SCFD2: variants seen among roughly 807,000 people sequenced by gnomAD.
SCFD2 encodes the protein sec1 family domain-containing protein 2.
A neutral mutation model predicts 58.9 loss-of-function variants in SCFD2; 54 were observed. That is an observed-to-expected ratio of 0.92 (90% CI 0.74 to 1.15). The LOEUF (loss-of-function observed/expected upper bound fraction) is 1.15, where lower values mean the gene tolerates loss of function less well. Among genes scored for constraint, SCFD2 ranks in the 50% most tolerant of loss-of-function variants. The probability of loss-of-function intolerance (pLI) is 0.00; values close to 1 mark genes in which losing one functional copy is unlikely to be tolerated. For missense variants in SCFD2, 805 were observed against 836.6 expected, an observed-to-expected ratio of 0.96 and a Z score of 0.47; for synonymous variants, 321 against 335.9, an observed-to-expected ratio of 0.96 and a Z score of 0.49.
chr4:53,269,494 G>A lies in SCFD2; in HGVS notation c.1311+4332C>T, dbSNP rs186119462. On this transcript the variant is annotated intron_variant, in intron 4 of 8. Transcript: ENST00000401642. The stretch of plus-strand genomic sequence containing the variant: ...CCTCTGACAGAAGATAAATCAAAGC[G>A]ATAAAGAATTGAAGAAATTATAGTT... Among the ~76,000 whole-genome samples the A allele has an allele frequency of 2.9e-3, 442 of 152,132 alleles. 1 individual carries two copies. Among genetic ancestry groups the A allele is most frequent in the African/African-American group, 0.01 (420 of 41,536 alleles).
chr4:53,342,058 A>G lies in SCFD2; in HGVS notation c.1007+10540T>C, dbSNP rs554468362. 7.9e-5 allele frequency among the ~76,000 whole-genome samples: 12 copies of G among 152,372 alleles called. No individual in the cohort carries two copies. The South Asian group carries it at 1.0e-3, about 13-fold the overall frequency. Reference sequence around the variant, plus strand: ...GAAGAAACTGCATCAAGTAATGGACAAAATAACCAGCTAACGTCATAATGA... The same window carrying G: ...GAAGAAACTGCATCAAGTAATGGACGAAATAACCAGCTAACGTCATAATGA... On this transcript the variant is annotated intron_variant, in intron 2 of 8. Transcript: ENST00000401642.
At chr4:52,965,256 T>C (rs973795530) in intron 5 of SCFD2, among the ~76,000 whole-genome samples, 3 of 152,174 alleles carry the variant, frequency 2.0e-5, no homozygotes, top group African/African-American at 7.2e-5. Context: ...CAAAAAATGA[T>C]GGGCCTAAGA....
chr4:53,212,905 A>G (rs1728668066), intron 4 of SCFD2, among the ~76,000 whole-genome samples: 1 of 151,870 alleles, frequency 6.6e-6, no homozygotes, highest in Non-Finnish European at 1.5e-5. Context: ...TAACAAATAC[A>G]GTTGATTTTT....
chr4:53,364,973 G>A (rs1397136041), intron 1 of SCFD2, 131 bp downstream of exon 1: 7 of 1,060,098 alleles, frequency 6.6e-6, no homozygotes, highest in Non-Finnish European at 9.4e-6. Context: ...ATTAGAGACC[G>A]TGTCCATCTA....
chr4:53,031,734 G>GA (rs1229650172), intron 5 of SCFD2, among the ~76,000 whole-genome samples: 1 of 151,930 alleles, frequency 6.6e-6, no homozygotes, highest in South Asian at 2.1e-4. Flanking sequence ...CAAGATTAGA[G>GA]AAAAAAAGAA....
chr4:52,874,763 T>C (rs1287166412), intron 8 of SCFD2, among the ~76,000 whole-genome samples: 1 of 152,212 alleles, frequency 6.6e-6, no homozygotes, highest in Non-Finnish European at 1.5e-5. Context: ...ATACATACAG[T>C]CACACTGGAT....
intron 7 of SCFD2, among the ~76,000 whole-genome samples, chr4:52,894,011 C>T (rs1718942451): frequency 6.6e-6 from 1 of 152,012 alleles, no homozygotes; most frequent in African/African-American, 2.4e-5. Context: ...TTTAACTTAC[C>T]CCCTCACCAC....
intron 5 of SCFD2, among the ~76,000 whole-genome samples, chr4:53,140,237 A>G (rs1054636000): frequency 6.6e-6 from 1 of 151,556 alleles, no homozygotes; most frequent in Non-Finnish European, 1.5e-5. Context: ...GAACAAAAAG[A>G]AAAAGGGATA....
chr4:53,340,138 C>T (rs1253628637), intron 2 of SCFD2, among the ~76,000 whole-genome samples: 4 of 152,124 alleles, frequency 2.6e-5, no homozygotes, highest in African/African-American at 7.2e-5. Context: ...GGGTGCAGCC[C>T]ACCGAGCGAC....
intron 4 of SCFD2, among the ~76,000 whole-genome samples, chr4:53,250,983 T>C (rs1223435073): frequency 6.6e-6 from 1 of 151,908 alleles, no homozygotes; most frequent in Non-Finnish European, 1.5e-5. Context: ...ATCAACAAAC[T>C]TGATAGACTA....
At chr4:53,071,520 T>C (rs1173343738) in intron 5 of SCFD2, among the ~76,000 whole-genome samples, 4 of 152,154 alleles carry the variant, frequency 2.6e-5, no homozygotes, top group African/African-American at 7.2e-5. Context: ...ATTATCTTTC[T>C]TAATCTTCAC....
At chr4:53,335,794 T>C (rs1371119616) in intron 2 of SCFD2, among the ~76,000 whole-genome samples, 3 of 152,090 alleles carry the variant, frequency 2.0e-5, no homozygotes, top group Non-Finnish European at 2.9e-5. Flanking sequence ...GTGAATGAGG[T>C]GCTCTCCAAC....
chr4:52,974,817 C>G (rs1463217613), intron 5 of SCFD2, among the ~76,000 whole-genome samples: 1 of 152,018 alleles, frequency 6.6e-6, no homozygotes, highest in African/African-American at 2.4e-5. Context: ...GGTACCAAAA[C>G]AGAGATATAG....
At chr4:53,086,062 C>T (rs1231011352) in intron 5 of SCFD2, among the ~76,000 whole-genome samples, 1 of 152,038 alleles carries the variant, frequency 6.6e-6, no homozygotes, top group Admixed American at 6.6e-5. Flanking sequence ...AAAGCCTATG[C>T]ACAGCAAAGG....
chr4:52,949,983 A>G (rs1283776956), intron 5 of SCFD2: 1 of 152,214 alleles, frequency 6.6e-6, no homozygotes, highest in East Asian at 1.9e-4. Flanking sequence ...TACTCTAGGC[A>G]GAAGGGGTGG....
intron 4 of SCFD2, among the ~76,000 whole-genome samples, chr4:53,216,224 C>G (rs906019872): frequency 1.2e-4 from 18 of 152,170 alleles, no homozygotes; most frequent in African/African-American, 4.3e-4. Context: ...AGGAATGGTA[C>G]CAGCTCCTCC....
intron 4 of SCFD2, among the ~76,000 whole-genome samples, chr4:53,239,491 A>G (rs1291448167): frequency 2.6e-5 from 4 of 151,000 alleles, no homozygotes; most frequent in Admixed American, 2.6e-4. Flanking sequence ...AGTCAAAGTC[A>G]CTGTTTTAAT....
At position 53,142,362 on chromosome 4, in the gene SCFD2, C is replaced by T. The variant is rs150752295; in HGVS notation, c.1561+2971G>A. 2.2e-3 allele frequency among the ~76,000 whole-genome samples: 329 copies of T among 152,212 alleles called. 1 individual carries two copies. The highest frequency in any genetic ancestry group is 7.7e-3 in the African/African-American group (321 of 41,524). ...GTAGAATTGTTATTCAATTGTTAATCGATTCCCTATTTTCAATAATTCTTT... is the reference window on the plus strand; with the variant it reads ...GTAGAATTGTTATTCAATTGTTAATTGATTCCCTATTTTCAATAATTCTTT... On this transcript the variant is annotated intron_variant, in intron 5 of 8. Transcript: ENST00000401642.
In SCFD2 at chr4:53,045,257, T is replaced by C. The variant is rs146701265; in HGVS notation, c.1561+100076A>G. Among the ~76,000 whole-genome samples the C allele has an allele frequency of 2.4e-4, 37 of 152,326 alleles. 1 individual carries two copies. Among genetic ancestry groups the C allele is most frequent in the Non-Finnish European group, 4.4e-4 (30 of 68,032 alleles). ...ATTGCATACACTCTACTGGAATTCA[T>C]TTATTATTTGTTTTATAGTGTGGAT... is the stretch of plus-strand genomic sequence containing the variant. On this transcript the variant is annotated intron_variant, in intron 5 of 8. Transcript: ENST00000401642.
Sources: allele counts gnomAD v4.1 joint callset (sites outside exome capture counted in the v4.1 genomes callset), GRCh38; gene constraint gnomAD v4.1.1; transcripts MANE v1.5; gene names NCBI Gene and HGNC (gene_info 2026-07-23, HGNC 2026-07-21).